Variants in C9orf153 observed in about 807,000 individuals in gnomAD.
C9orf153 encodes the protein uncharacterized protein C9orf153.
In C9orf153, 10 loss-of-function variants were observed where a neutral mutation model predicts 9.0. The ratio of observed to expected loss-of-function variants is 1.11; its 90% CI spans 0.69 to 1.89. The LOEUF (loss-of-function observed/expected upper bound fraction) is 1.89, where lower values mean the gene tolerates loss of function less well. C9orf153 is among the 40% of genes most tolerant of loss of function. The pLI, the probability that C9orf153 is intolerant of heterozygous loss-of-function variation, is 0.00. For missense variants in C9orf153, 108 were observed against 111.0 expected (o/e 0.97, Z 0.12); for synonymous variants, 35 against 37.3 (o/e 0.94, Z 0.23).
At chr9:86,235,741 CAAAAAAAA>C (rs60165641) in intron 1 of C9orf153, among the ~76,000 whole-genome samples, 86 of 22,052 alleles carry the variant, frequency 3.9e-3, no homozygotes, top group African/African-American at 0.011. Flanking sequence ...GACTCCATCT[CAAAAAAAA>C]AAAAAAAAAA....
intron 3 of C9orf153, among the ~76,000 whole-genome samples, chr9:86,225,191 C>T (rs1055066321): frequency 2.6e-5 from 4 of 152,058 alleles, no homozygotes; most frequent in Non-Finnish European, 4.4e-5. Context: ...CTTTGGAATA[C>T]CAGGATCCTA....
chr9:86,240,130 A>T (rs1028653530), intron 1 of C9orf153, among the ~76,000 whole-genome samples: 1 of 152,160 alleles, frequency 6.6e-6, no homozygotes, highest in Non-Finnish European at 1.5e-5. Flanking sequence ...ATATTATCTG[A>T]TTTGATCCAC....
chr9:86,249,723 TTATAG>T (rs2131203406), intron 1 of C9orf153, among the ~76,000 whole-genome samples: 1 of 152,250 alleles, frequency 6.6e-6, no homozygotes, highest in Non-Finnish European at 1.5e-5. Context: ...TTATTTTTCT[TTATAG>T]TAAAGATAGG....
chr9:86,253,181 C>T (rs1205995397), intron 1 of C9orf153, among the ~76,000 whole-genome samples: 1 of 152,122 alleles, frequency 6.6e-6, no homozygotes, highest in Non-Finnish European at 1.5e-5. Flanking sequence ...TAATTGAATA[C>T]ACTGGTTATT....
chr9:86,252,289 C>G (rs1825012769), intron 1 of C9orf153, among the ~76,000 whole-genome samples: 1 of 152,144 alleles, frequency 6.6e-6, no homozygotes, highest in Admixed American at 6.5e-5. Flanking sequence ...CTGCCTCAGC[C>G]TCCCAAATTG....
chr9:86,250,461 AT>A (rs1290212026), intron 1 of C9orf153, among the ~76,000 whole-genome samples: 3 of 152,140 alleles, frequency 2.0e-5, no homozygotes, highest in Non-Finnish European at 1.5e-5. Context: ...ATTTTGGGGT[AT>A]TGGTTTCTGA....
chr9:86,225,039 A>AT (rs934354796), intron 3 of C9orf153, among the ~76,000 whole-genome samples: 1 of 149,462 alleles, frequency 6.7e-6, no homozygotes, highest in Non-Finnish European at 1.5e-5. Flanking sequence ...GTTTTCTGTT[A>AT]TTTTTGATTC....
At chr9:86,257,790 AG>A (rs1187167139) in intron 1 of C9orf153, among the ~76,000 whole-genome samples, 3 of 152,346 alleles carry the variant, frequency 2.0e-5, no homozygotes, top group Admixed American at 6.5e-5. Flanking sequence ...AGAGGGGAAA[AG>A]TCTGTGGTCT....
intron 1 of C9orf153, among the ~76,000 whole-genome samples, chr9:86,235,476 G>A (rs143780382): frequency 6.6e-6 from 1 of 152,048 alleles, no homozygotes; most frequent in Non-Finnish European, 1.5e-5. Context: ...GAGAAAAAAG[G>A]CCAGGTGTGG....
At chr9:86,246,301 T>C (rs1261040376) in intron 1 of C9orf153, among the ~76,000 whole-genome samples, 2 of 152,212 alleles carry the variant, frequency 1.3e-5, no homozygotes, top group Non-Finnish European at 2.9e-5. Context: ...CTCAATCGCA[T>C]GCCATTGATT....
chr9:86,223,808 A>G (rs1824257624), intron 3 of C9orf153, among the ~76,000 whole-genome samples: 1 of 152,244 alleles, frequency 6.6e-6, no homozygotes, highest in Admixed American at 6.5e-5. Context: ...TCTTTTGGAC[A>G]TGAAAACAAA....
chr9:86,245,657 G>A (rs912080975), intron 1 of C9orf153, among the ~76,000 whole-genome samples: 2 of 152,146 alleles, frequency 1.3e-5, no homozygotes, highest in African/African-American at 4.8e-5. Context: ...ACCTCTTTGC[G>A]ATTGTGAATA....
At chr9:86,256,986 C>T (rs1564005590) in intron 1 of C9orf153, among the ~76,000 whole-genome samples, 1 of 152,064 alleles carries the variant, frequency 6.6e-6, no homozygotes, top group Non-Finnish European at 1.5e-5. Flanking sequence ...CAGGGGGAAA[C>T]CTTGTCTCAA....
intron 1 of C9orf153, among the ~76,000 whole-genome samples, chr9:86,252,538 A>T (rs1642264718): frequency 6.6e-6 from 1 of 152,208 alleles, no homozygotes; most frequent in Admixed American, 6.5e-5. Context: ...TTCTAAATTC[A>T]ATCTTCTTGA....
chr9:86,241,991 C>T (rs1587805672), intron 1 of C9orf153, among the ~76,000 whole-genome samples: 1 of 152,070 alleles, frequency 6.6e-6, no homozygotes, highest in South Asian at 2.1e-4. Flanking sequence ...TAAGTGAATT[C>T]GTAAGTTTGA....
At chr9:86,233,854 G>C (rs1276421927) in intron 1 of C9orf153, among the ~76,000 whole-genome samples, 1 of 152,200 alleles carries the variant, frequency 6.6e-6, no homozygotes, top group East Asian at 1.9e-4. Context: ...CGGGGCTGAG[G>C]CGGGTGAATT....
chr9:86,229,168 GT>G (rs1824405944), intron 2 of C9orf153, among the ~76,000 whole-genome samples: 1 of 150,822 alleles, frequency 6.6e-6, no homozygotes, highest in Non-Finnish European at 1.5e-5. Flanking sequence ...TTTTTGGGGA[GT>G]TAAATAGTGT....
At chr9:86,254,888 A>G (rs1825079541) in intron 1 of C9orf153, among the ~76,000 whole-genome samples, 1 of 152,100 alleles carries the variant, frequency 6.6e-6, no homozygotes, top group African/African-American at 2.4e-5. Flanking sequence ...AACATGGTGA[A>G]ACCCCGTCTC....
At chr9:86,237,725 T>C (rs1824629217) in intron 1 of C9orf153, among the ~76,000 whole-genome samples, 2 of 152,234 alleles carry the variant, frequency 1.3e-5, no homozygotes, top group Middle Eastern at 3.4e-3. Context: ...CTTTACATAA[T>C]GATAAAGGGG....
Sources: gnomAD v4.1 joint callset for allele counts (sites outside exome capture counted in the v4.1 genomes callset) on GRCh38, gnomAD v4.1.1 for gene constraint, MANE v1.5 for transcripts, NCBI Gene and HGNC (gene_info 2026-07-23, HGNC 2026-07-21) for gene names.